Variants in DMD observed in about 807,000 individuals in gnomAD.
The protein encoded by DMD is dystrophin.
DMD carries 63 observed loss-of-function variants against 330.1 expected under a neutral mutation model. The observed-to-expected ratio is 0.19, with a 90% CI of 0.16 to 0.24. DMD has a LOEUF of 0.24. DMD is among the 10% of genes least tolerant of loss of function. The probability of loss-of-function intolerance (pLI) is 1.00; values close to 1 mark genes in which losing one functional copy is unlikely to be tolerated. For missense variants in DMD, 3,344 were observed against 2,684.1 expected (o/e 1.25, Z -5.43); for synonymous variants, 1,223 against 959.8 (o/e 1.27, Z -5.07).
chrX:32,334,676 C>G (rs1569558312), intron 41 of DMD, among the ~76,000 whole-genome samples: 3 of 111,272 alleles, frequency 2.7e-5, no homozygotes, highest in African/African-American at 9.8e-5. Context: ...CCATTTTTTT[C>G]TAAAGAATAT....
intron 45 of DMD, among the ~76,000 whole-genome samples, chrX:31,954,665 T>G (rs1306468095): frequency 1.8e-5 from 2 of 110,418 alleles, no homozygotes; most frequent in African/African-American, 6.6e-5. Flanking sequence ...GTGTTGTCAC[T>G]CACATGTGGG....
chrX:33,179,818 A>G (rs2049888642), intron 1 of DMD, among the ~76,000 whole-genome samples: 1 of 110,784 alleles, frequency 9.0e-6, no homozygotes. Flanking sequence ...TTAGAAATCC[A>G]TTATGATTTT....
rs1469230304 is a variant in DMD at position 31,147,192 on chromosome X, A to G, written c.10797+83T>C. 3 of 1,160,542 alleles carry G rather than the reference A, an allele frequency of 2.6e-6. No individual in the cohort carries two copies. In the African/African-American group the frequency reaches 5.3e-5, roughly 21 times the overall value. On this transcript the variant is annotated intron_variant, in intron 75 of 78. Transcript: ENST00000357033. ...GCACTTAAGAATTGATGCTTGTTGC[A>G]CCTATAAAAAGTGCTCTCTGAGGTT...
chrX:33,331,836 T>G (rs1174887063), intron 1 of DMD, among the ~76,000 whole-genome samples: 1 of 111,563 alleles, frequency 9.0e-6, no homozygotes, highest in Admixed American at 9.6e-5. Context: ...ACCCCAAAGC[T>G]CAAGAAAATA....
chrX:32,713,275 C>T (rs2065360090), intron 7 of DMD, among the ~76,000 whole-genome samples: 1 of 111,428 alleles, frequency 9.0e-6, no homozygotes, highest in East Asian at 2.8e-4. Context: ...ACATAAACAC[C>T]CTTTCTTCTC....
chrX:32,455,484 A>T (rs1439221628), intron 25 of DMD, among the ~76,000 whole-genome samples: 1 of 111,373 alleles, frequency 9.0e-6, no homozygotes, highest in African/African-American at 3.2e-5. Context: ...GGGAAAATCA[A>T]AGTTTTTATA....
chrX:31,143,754 C>T (rs1195296241), intron 76 of DMD, among the ~76,000 whole-genome samples: 5 of 111,456 alleles, frequency 4.5e-5, no homozygotes, highest in Admixed American at 9.5e-5. Flanking sequence ...CCATTGTCAA[C>T]GACCTAAATA....
chrX:31,235,173 T>C (rs1411585249), intron 63 of DMD, among the ~76,000 whole-genome samples: 1 of 111,905 alleles, frequency 8.9e-6, no homozygotes, highest in Non-Finnish European at 1.9e-5. Context: ...GTAGACAATC[T>C]TTATCATGAG....
At chrX:31,213,492 G>T (rs2044987333) in intron 64 of DMD, among the ~76,000 whole-genome samples, 1 of 112,095 alleles carries the variant, frequency 8.9e-6, no homozygotes, top group South Asian at 3.7e-4. Flanking sequence ...TTTCCAAGGT[G>T]TTCTGTGCTC....
intron 44 of DMD, among the ~76,000 whole-genome samples, chrX:32,199,591 C>T (rs1444138510): frequency 1.9e-5 from 2 of 107,786 alleles, no homozygotes; most frequent in Non-Finnish European, 3.8e-5. Context: ...TGAGCAGCTG[C>T]ATATAAGGAG....
intron 62 of DMD, among the ~76,000 whole-genome samples, chrX:31,284,575 C>CTTCTTCT (rs2052945681): frequency 4.4e-5 from 4 of 91,884 alleles, no homozygotes; most frequent in African/African-American, 1.7e-4. Context: ...TCTTCTTCTT[C>CTTCTTCT]TTCTTCTTCT....
At chrX:32,344,781 C>G (rs1031808214) in intron 39 of DMD, among the ~76,000 whole-genome samples, 1 of 111,767 alleles carries the variant, frequency 8.9e-6, no homozygotes, top group African/African-American at 3.2e-5. Context: ...CAGTAGGACA[C>G]ACACCATCAT....
At chrX:32,749,853 G>A (rs998057521) in intron 7 of DMD, among the ~76,000 whole-genome samples, 7 of 111,902 alleles carry the variant, frequency 6.3e-5, no homozygotes, top group Non-Finnish European at 1.3e-4. Context: ...GAGAATTTAT[G>A]TGGCTAACAC....
intron 47 of DMD, among the ~76,000 whole-genome samples, chrX:31,899,691 A>T: frequency 9.0e-6 from 1 of 110,747 alleles, no homozygotes; most frequent in East Asian, 2.8e-4. Context: ...TCTTAACCAT[A>T]ACAGTCTTAA....
intron 77 of DMD, among the ~76,000 whole-genome samples, chrX:31,133,366 A>T (rs1010084297): frequency 9.0e-6 from 1 of 111,643 alleles, no homozygotes; most frequent in Non-Finnish European, 1.9e-5. Context: ...AACCAAATAA[A>T]TGCCCCCAGA....
chrX:32,372,975 T>C (rs184545164), intron 34 of DMD, among the ~76,000 whole-genome samples: 347 of 110,520 alleles, frequency 3.1e-3, no homozygotes, highest in Non-Finnish European at 5.1e-3. Flanking sequence ...CCTGCAGCTG[T>C]CCCTTCAGTT....
intron 9 of DMD, among the ~76,000 whole-genome samples, chrX:32,647,370 G>A (rs1456347967): frequency 9.0e-6 from 1 of 111,491 alleles, no homozygotes; most frequent in Non-Finnish European, 1.9e-5. Context: ...AAAGAATATG[G>A]CGTAAGTGTG....
intron 7 of DMD, among the ~76,000 whole-genome samples, chrX:32,807,311 A>C (rs2077037531): frequency 9.1e-6 from 1 of 110,244 alleles, no homozygotes; most frequent in Admixed American, 9.7e-5. Context: ...CCATCAGAGA[A>C]TACTACAAAC....
At chrX:32,214,513 C>CTT (rs2097105469) in intron 44 of DMD, among the ~76,000 whole-genome samples, 1 of 111,710 alleles carries the variant, frequency 9.0e-6, no homozygotes, top group South Asian at 3.7e-4. Context: ...AAGGAAAGAA[C>CTT]TTCACAAAAG....
Sources: allele counts gnomAD v4.1 joint callset (sites outside exome capture counted in the v4.1 genomes callset), GRCh38; gene constraint gnomAD v4.1.1; transcripts MANE v1.5; gene names NCBI Gene and HGNC (gene_info 2026-07-23, HGNC 2026-07-21).